DYNC1LI1: variants seen among roughly 807,000 people sequenced by gnomAD.
DYNC1LI1 encodes dynein cytoplasmic 1 light intermediate chain 1, also known as cytoplasmic dynein 1 light intermediate chain 1.
A neutral mutation model predicts 63.8 loss-of-function variants in DYNC1LI1; 19 were observed. That is an observed-to-expected ratio of 0.30 (90% confidence interval 0.21 to 0.44). The LOEUF (loss-of-function observed/expected upper bound fraction) is 0.44, where lower values mean the gene tolerates loss of function less well. Among genes scored for constraint, DYNC1LI1 ranks in the 20% least tolerant of loss-of-function variants. DYNC1LI1 has a pLI of 1.00. For synonymous variants in DYNC1LI1, 225 were observed against 232.3 expected, an observed-to-expected ratio of 0.97 and a Z score of 0.28; for missense variants, 565 against 630.2, an observed-to-expected ratio of 0.90 and a Z score of 1.11.
At chr3:32,533,209 G>T in intron 7 of DYNC1LI1, 112 bp from the exon 8 acceptor site, 3 of 1,380,834 alleles carry the variant, frequency 2.2e-6, no homozygotes, top group Non-Finnish European at 2.8e-6. Context: ...AACAATTATG[G>T]AAAACGAATT....
At chr3:32,545,264 G>T (rs1258798100) in intron 3 of DYNC1LI1, among the ~76,000 whole-genome samples, 158 bp from the exon 4 acceptor site, 3 of 152,160 alleles carry the variant, frequency 2.0e-5, no homozygotes, top group African/African-American at 7.2e-5. Context: ...TTTATTTAAA[G>T]GCCGAAAATG....
intron 2 of DYNC1LI1, chr3:32,566,596 G>C (rs139900709): frequency 3.3e-6 from 1 of 302,312 alleles, no homozygotes; most frequent in African/African-American, 2.3e-5. Flanking sequence ...AAATTAGCCA[G>C]GTGTGGTGGC....
intron 8 of DYNC1LI1, chr3:32,530,949 G>C (rs944510226): frequency 1.3e-5 from 2 of 156,142 alleles, no homozygotes; most frequent in African/African-American, 4.8e-5. Context: ...TGTTTTAAAA[G>C]GGCCAGTAAT....
At chr3:32,552,369 C>T (rs780337534) in intron 2 of DYNC1LI1, among the ~76,000 whole-genome samples, 4 of 152,110 alleles carry the variant, frequency 2.6e-5, no homozygotes, top group Non-Finnish European at 4.4e-5. Context: ...CCTATGTTGT[C>T]CAGGATGGTC....
Position 32,526,884 on chromosome 3 carries a change from T to C in DYNC1LI1, c.1487A>G (p.His496Arg), listed in dbSNP as rs1468662274. Reference protein sequence around the residue: ...KSGQKPVLDVHAELDRITRKP... With the variant: ...KSGQKPVLDVRAELDRITRKP... ...TCGTGTAATTCTGTCTAGTTCTGCA[T>C]GAACATCTAAGACAGGCTTCTGGCC... is the stretch of plus-strand genomic sequence containing the variant. Residue 496 changes from histidine to arginine, a missense_variant, in exon 13 of 13, where the codon CAT (histidine) becomes CGT (arginine). Coordinates refer to ENST00000273130, the MANE Select transcript of DYNC1LI1 (RefSeq NM_016141.4). 8 of 1,613,770 alleles carry C rather than the reference T, an allele frequency of 5.0e-6. No homozygotes were observed. The highest frequency in any genetic ancestry group is 3.3e-5 in the South Asian group (3 of 91,070).
At chr3:32,535,469 T>C (rs557177589) in intron 6 of DYNC1LI1, among the ~76,000 whole-genome samples, 6 of 152,192 alleles carry the variant, frequency 3.9e-5, no homozygotes, top group African/African-American at 1.4e-4. Context: ...GTCTAACTTC[T>C]TAACTGGGAT....
intron 2 of DYNC1LI1, among the ~76,000 whole-genome samples, chr3:32,569,705 G>A (rs1698314892): frequency 6.6e-6 from 1 of 152,134 alleles, no homozygotes; most frequent in Non-Finnish European, 1.5e-5. Context: ...AGAGAGCCGA[G>A]GAGATACAGA....
intron 2 of DYNC1LI1, among the ~76,000 whole-genome samples, chr3:32,558,214 C>A (rs1378425514): frequency 6.6e-6 from 1 of 151,956 alleles, no homozygotes; most frequent in Non-Finnish European, 1.5e-5. Context: ...GCCTGGGCAA[C>A]AGAGCAAGAC....
rs377131478 is a variant in DYNC1LI1 at position 32,545,025 on chromosome 3, G to C, written c.419C>G (p.Ser140Cys). 1 of 1,614,042 alleles carries C rather than the reference G, an allele frequency of 6.2e-7. No homozygotes were observed. Among genetic ancestry groups the C allele is most frequent in the Non-Finnish European group, 8.5e-7 (1 of 1,179,954 alleles). The change falls in exon 4 of 13, where the codon TCT (serine) becomes TGT (cysteine). Residue 140 changes from serine (S) to cysteine (C), a missense_variant. Ser to Cys is a moderately radical substitution (Grantham distance 112). Transcript: ENST00000273130. ...GLLKFSLDAVSLKDTLVMLVV... is the reference protein window; with the variant it reads ...GLLKFSLDAVCLKDTLVMLVV... ...CAGCATAACTAGAGTATCCTTCAGA[G>C]ATACGGCATCCAGTGAAAATTTAAG...
chr3:32,567,888 G>A (rs1698290225), intron 2 of DYNC1LI1, among the ~76,000 whole-genome samples: 1 of 152,098 alleles, frequency 6.6e-6, no homozygotes, highest in Non-Finnish European at 1.5e-5. Flanking sequence ...ATTTGTAGTA[G>A]AGATGGGGTT....
rs771072931 is a variant in DYNC1LI1 at position 32,528,581 on chromosome 3, C to T, written c.1327G>A (p.Val443Ile). Residue 443 changes from valine (V) to isoleucine (I), a missense_variant, in exon 12 of 13, where the codon GTT becomes ATT. Coordinates refer to ENST00000273130, the MANE Select transcript of DYNC1LI1 (RefSeq NM_016141.4). Reference protein sequence around the residue: ...NMKAGATSEGVLANFFNSLLS... With the variant: ...NMKAGATSEGILANFFNSLLS... ...AAACTGTTGAAGAAATTTGCCAGAA[C>T]GCCTTCACTTGTAGCTCCAGCTATA... 2.5e-6 allele frequency: 4 copies of T among 1,610,898 alleles called. No homozygotes were observed. Among genetic ancestry groups the T allele is most frequent in the Admixed American group, 3.4e-5 (2 of 59,526 alleles).
intron 2 of DYNC1LI1, among the ~76,000 whole-genome samples, chr3:32,554,407 T>C (rs997650708): frequency 6.6e-6 from 1 of 152,230 alleles, no homozygotes; most frequent in African/African-American, 2.4e-5. Context: ...TTCCCCACCC[T>C]GTGATTTCAA....
intron 2 of DYNC1LI1, among the ~76,000 whole-genome samples, chr3:32,548,362 C>A (rs1697986666): frequency 6.6e-6 from 1 of 152,158 alleles, no homozygotes; most frequent in South Asian, 2.1e-4. Context: ...GCCTGATGAT[C>A]TGAGGTAAAA....
At chr3:32,545,191 G>A (rs1358546449) in intron 3 of DYNC1LI1, 85 bp from the exon 4 acceptor site, 5 of 865,242 alleles carry the variant, frequency 5.8e-6, no homozygotes, top group Non-Finnish European at 9.4e-6. Flanking sequence ...GTATTTTAGT[G>A]CATCTCCACA....
At chr3:32,528,112 C>CAAAAAAAAAAAAAAAAAAAAAA (rs60912161) in intron 12 of DYNC1LI1, among the ~76,000 whole-genome samples, 2 of 29,896 alleles carry the variant, frequency 6.7e-5, no homozygotes, top group African/African-American at 8.8e-5. Flanking sequence ...GACTCCATCT[C>CAAAAAAAAAAAAAAAAAAAAAA]AAAAAAAAAA....
chr3:32,563,494 G>A (rs1242348527), intron 2 of DYNC1LI1, among the ~76,000 whole-genome samples: 1 of 152,004 alleles, frequency 6.6e-6, no homozygotes, highest in Admixed American at 6.6e-5. Context: ...GTTTCATCAT[G>A]TTGGCCAGGC....
intron 5 of DYNC1LI1, among the ~76,000 whole-genome samples, chr3:32,540,630 G>A (rs907978377): frequency 6.8e-6 from 1 of 147,286 alleles, no homozygotes; most frequent in Non-Finnish European, 1.5e-5. Context: ...GCAGTGAGCC[G>A]AGATTGTTCC....
intron 2 of DYNC1LI1, 31 bp downstream of exon 2, chr3:32,570,315 G>C (rs751016957): frequency 6.6e-7 from 1 of 1,523,586 alleles, no homozygotes; most frequent in Admixed American, 1.9e-5. Context: ...CTGGGGGCCG[G>C]GCGGGGCGGG....
In DYNC1LI1 at chr3:32,534,646, T is replaced by A. The variant is rs775655183; in HGVS notation, c.833A>T (p.Tyr278Phe). 1.9e-6 allele frequency: 3 copies of A among 1,558,248 alleles called. No individual in the cohort carries two copies. In the South Asian group the frequency reaches 3.7e-5, roughly 19 times the overall value. The change falls in exon 7 of 13, where the codon TAT becomes TTT. Residue 278 changes from tyrosine to phenylalanine, a missense_variant and splice_region_variant. Physicochemically the swap from Tyr to Phe is conservative, Grantham distance 22. Coordinates refer to ENST00000273130, the MANE Select transcript of DYNC1LI1 (RefSeq NM_016141.4). Reference protein sequence around the residue: ...QSHIRKFCLQYGAALIYTSVK... With the variant: ...QSHIRKFCLQFGAALIYTSVK... ...TGAAGTGTAAATAAGTGCTGCACCA[T>A]CTGAATAATATGGTTAAAGAAAAAT... is the stretch of plus-strand genomic sequence containing the variant.
Sources: gnomAD v4.1 joint callset for allele counts (sites outside exome capture counted in the v4.1 genomes callset) on GRCh38, gnomAD v4.1.1 for gene constraint, MANE v1.5 for transcripts, NCBI Gene and HGNC (gene_info 2026-07-23, HGNC 2026-07-21) for gene names.